TMEM154: variants seen among roughly 807,000 people sequenced by gnomAD.
TMEM154 encodes transmembrane protein 154.
TMEM154 carries 27 observed loss-of-function variants against 24.5 expected under a neutral mutation model. The observed-to-expected ratio is 1.10, with a 90% CI of 0.81 to 1.52. TMEM154 has a LOEUF of 1.52. Among genes scored for constraint, TMEM154 ranks in the 40% most tolerant of loss-of-function variants. The pLI, the probability that TMEM154 is intolerant of heterozygous loss-of-function variation, is 0.00. For synonymous variants in TMEM154, 67 were observed against 76.8 expected, an observed-to-expected ratio of 0.87 and a Z score of 0.67; for missense variants, 228 against 213.4, an observed-to-expected ratio of 1.07 and a Z score of -0.43.
chr4:152,634,031 C>CAAAAAAAAAAA (rs1167923301), intron 6 of TMEM154, among the ~76,000 whole-genome samples: 2 of 20,406 alleles, frequency 9.8e-5, no homozygotes, highest in Non-Finnish European at 1.0e-4. Context: ...GACCCCATCT[C>CAAAAAAAAAAA]AAAAAAAAAA....
At chr4:152,640,664 A>G (rs1017923186) in intron 6 of TMEM154, among the ~76,000 whole-genome samples, 1 of 152,360 alleles carries the variant, frequency 6.6e-6, no homozygotes. Flanking sequence ...CAGAAGCTGA[A>G]GCAACAGTGT....
chr4:152,629,542 GA>G (rs1751992375), intron 6 of TMEM154, among the ~76,000 whole-genome samples: 1 of 152,162 alleles, frequency 6.6e-6, no homozygotes, highest in African/African-American at 2.4e-5. Flanking sequence ...AAGTCTCCTG[GA>G]AAACAGGTGG....
intron 1 of TMEM154, among the ~76,000 whole-genome samples, chr4:152,667,811 A>T (rs2149789622): frequency 6.6e-6 from 1 of 152,366 alleles, no homozygotes; most frequent in East Asian, 1.9e-4. Context: ...AACATAAAGA[A>T]AGGATTCTTT....
chr4:152,667,207 C>T lies in TMEM154; in HGVS notation c.64+12663G>A, dbSNP rs79575952. On this transcript the variant is annotated intron_variant, in intron 1 of 6. Coordinates refer to ENST00000304385, the MANE Select transcript of TMEM154 (RefSeq NM_152680.3). ...GGGCCTGTGGTGAAATTGCCAGTCA[C>T]GCTCTCACCTTTTTCTCCAGAGTCT... Among the ~76,000 whole-genome samples, 1,168 of 152,314 alleles carry T rather than the reference C, an allele frequency of 7.7e-3. 14 individuals are homozygous for T. Among genetic ancestry groups the T allele is most frequent in the African/African-American group, 0.026 (1,085 of 41,568 alleles).
Position 152,634,047 on chromosome 4 carries a change from A to G in TMEM154, c.537-5486T>C, listed in dbSNP as rs566511689. ...ACCCCATCTCAAAAAAAAAAAAAAAAAAAAAAAAAAGAAAGTGGAACACCT... is the reference window on the plus strand; with the variant it reads ...ACCCCATCTCAAAAAAAAAAAAAAAGAAAAAAAAAAGAAAGTGGAACACCT... On this transcript the variant is annotated intron_variant, in intron 6 of 6. Coordinates refer to ENST00000304385, the MANE Select transcript of TMEM154 (RefSeq NM_152680.3). Among the ~76,000 whole-genome samples the G allele has an allele frequency of 1.5e-4, 22 of 151,324 alleles. No individual in the cohort carries two copies. In the East Asian group the frequency reaches 3.5e-3, roughly 24 times the overall value.
intron 1 of TMEM154, among the ~76,000 whole-genome samples, chr4:152,656,136 A>G (rs999766986): frequency 6.6e-6 from 1 of 152,096 alleles, no homozygotes; most frequent in African/African-American, 2.4e-5. Flanking sequence ...TGGCCTGCCC[A>G]GTCCATTGCA....
At chr4:152,664,526 A>T (rs1042414609) in intron 1 of TMEM154, among the ~76,000 whole-genome samples, 2 of 152,198 alleles carry the variant, frequency 1.3e-5, no homozygotes, top group African/African-American at 4.8e-5. Context: ...TTAAAGTAAA[A>T]TTTTTTTAAA....
chr4:152,652,740 C>A lies in TMEM154; in HGVS notation c.252G>T (p.Leu84Phe). The A allele has an allele frequency of 6.2e-7, 1 of 1,613,960 alleles. No individual in the cohort carries two copies. The highest frequency in any genetic ancestry group is 8.5e-7 in the Non-Finnish European group (1 of 1,179,930). Reference protein sequence around the residue: ...LEFILMVLIPLILLVLLLLSV... With the variant: ...LEFILMVLIPFILLVLLLLSV... Reference sequence around the variant, plus strand: ...ATAAAAGTAAGAGGACCAATAAAATCAATGGGATTAACACCATCAGTATAA... The same window carrying A: ...ATAAAAGTAAGAGGACCAATAAAATAAATGGGATTAACACCATCAGTATAA... Residue 84 changes from leucine to phenylalanine, a missense_variant, in exon 2 of 7, where the codon TTG (leucine) becomes TTT (phenylalanine). Leu to Phe is a conservative substitution (Grantham distance 22, BLOSUM62 0). Coordinates refer to ENST00000304385, the MANE Select transcript of TMEM154 (RefSeq NM_152680.3).
chr4:152,631,906 A>G (rs1368961264), intron 6 of TMEM154, among the ~76,000 whole-genome samples: 18 of 138,030 alleles, frequency 1.3e-4, no homozygotes, highest in Non-Finnish European at 1.8e-4. Flanking sequence ...CCAGGTTCAC[A>G]CCATTCTCCT....
Position 152,647,888 on chromosome 4 carries a change from G to A in TMEM154, c.365-3446C>T, listed in dbSNP as rs549369530. Among the ~76,000 whole-genome samples, 7 of 152,236 alleles carry A rather than the reference G, an allele frequency of 4.6e-5. 1 individual carries two copies. In the South Asian group the frequency reaches 1.0e-3, roughly 23 times the overall value. The stretch of plus-strand genomic sequence containing the variant: ...TGAAGAAACTTAATCAGAGAGTCAC[G>A]GTGCCAGGAAGTGCAAGCCAACCAA... On this transcript the variant is annotated intron_variant, in intron 3 of 6. Coordinates refer to ENST00000304385, the MANE Select transcript of TMEM154 (RefSeq NM_152680.3).
chr4:152,649,318 T>C (rs762755210), intron 3 of TMEM154, among the ~76,000 whole-genome samples: 56 of 152,258 alleles, frequency 3.7e-4, no homozygotes, highest in Non-Finnish European at 6.8e-4. Context: ...CGAGTTTTAC[T>C]GGCACAAGCC....
chr4:152,664,377 C>G (rs9995061), intron 1 of TMEM154, among the ~76,000 whole-genome samples: 63,355 of 127,766 alleles, frequency 0.5, 13,790 homozygotes, highest in African/African-American at 0.56. Context: ...CCTGTCGTGG[C>G]GGGGGGGTAC....
intron 6 of TMEM154, among the ~76,000 whole-genome samples, chr4:152,637,186 G>A: frequency 6.6e-6 from 1 of 152,212 alleles, no homozygotes; most frequent in African/African-American, 2.4e-5. Context: ...TAAAATCCCA[G>A]TGTGGGAGGG....
intron 1 of TMEM154, among the ~76,000 whole-genome samples, chr4:152,672,621 G>A (rs1011852417): frequency 6.6e-6 from 1 of 152,212 alleles, no homozygotes; most frequent in African/African-American, 2.4e-5. Context: ...GAGAAACTGA[G>A]AGTGTATTGA....
intron 3 of TMEM154, chr4:152,646,529 C>A (rs979379473): frequency 5.8e-6 from 1 of 171,746 alleles, no homozygotes; most frequent in Non-Finnish European, 1.2e-5. Flanking sequence ...CTCCACCTGG[C>A]CTATATATAT....
At chr4:152,666,538 C>G (rs1010837880) in intron 1 of TMEM154, 2 of 152,104 alleles carry the variant, frequency 1.3e-5, no homozygotes, top group Middle Eastern at 6.3e-3. Context: ...TCTCAAATTA[C>G]TGGGCTCAAG....
intron 5 of TMEM154, 37 bp from the exon 6 acceptor site, chr4:152,641,022 T>C: frequency 6.3e-7 from 1 of 1,586,860 alleles, no homozygotes. Context: ...TGTTAGTTAC[T>C]GAAATCGTAT....
chr4:152,628,599 A>T, intron 6 of TMEM154, 38 bp from the exon 7 acceptor site: 1 of 1,123,576 alleles, frequency 8.9e-7, no homozygotes, highest in Non-Finnish European at 1.2e-6. Context: ...AAAACAAAAA[A>T]AACACACACA....
chr4:152,619,597 G>T lies in TMEM154; in HGVS notation c.*8949C>A, dbSNP rs1751814312. ...TGAGTCTAAATTATAAAAATACTAT[G>T]CATTTCTACTTTGCTCTCTTGGGAC... On this transcript the variant is annotated 3_prime_UTR_variant, in exon 7 of 7. Transcript: ENST00000304385. The T allele has an allele frequency of 6.6e-6, 1 of 152,174 alleles. No homozygotes were observed. Among genetic ancestry groups the T allele is most frequent in the Admixed American group, 6.5e-5 (1 of 15,280 alleles). 9.4% of individuals were successfully genotyped at this position (152,174 alleles called of 1,614,324 possible).
Sources: gnomAD v4.1 joint callset for allele counts (sites outside exome capture counted in the v4.1 genomes callset) on GRCh38, gnomAD v4.1.1 for gene constraint, MANE v1.5 for transcripts, NCBI Gene and HGNC (gene_info 2026-07-23, HGNC 2026-07-21) for gene names.